Variants in FAM13A observed in about 807,000 individuals in gnomAD.
FAM13A encodes the protein protein FAM13A.
In FAM13A, 76 loss-of-function variants were observed where a neutral mutation model predicts 129.6. The observed-to-expected ratio is 0.59, with a 90% CI of 0.49 to 0.71. The LOEUF (loss-of-function observed/expected upper bound fraction) is 0.71, where lower values mean the gene tolerates loss of function less well. FAM13A is among the 30% of genes least tolerant of loss of function. The probability of loss-of-function intolerance (pLI) is 0.00; values close to 1 mark genes in which losing one functional copy is unlikely to be tolerated. For synonymous variants in FAM13A, 443 were observed against 449.9 expected (o/e 0.98, Z 0.20); for missense variants, 1,108 against 1,249.3 (o/e 0.89, Z 1.70).
intron 5 of FAM13A, chr4:88,937,434 C>T (rs898132136): frequency 5.3e-5 from 8 of 152,234 alleles, no homozygotes; most frequent in African/African-American, 1.7e-4. Flanking sequence ...CTTATTTTCC[C>T]ACATCTAGGG....
intron 7 of FAM13A, among the ~76,000 whole-genome samples, chr4:88,818,479 T>A (rs1731220673): frequency 6.6e-6 from 1 of 152,214 alleles, no homozygotes; most frequent in Non-Finnish European, 1.5e-5. Flanking sequence ...ATAGTTAACA[T>A]CTTTACTTTT....
chr4:88,875,120 C>A (rs1315392298), intron 6 of FAM13A, among the ~76,000 whole-genome samples: 1 of 152,158 alleles, frequency 6.6e-6, no homozygotes, highest in Non-Finnish European at 1.5e-5. Context: ...CCCTTCCTTA[C>A]ATCTTATACA....
intron 4 of FAM13A, among the ~76,000 whole-genome samples, chr4:88,978,873 G>A (rs527556832): frequency 2.5e-4 from 38 of 151,884 alleles, no homozygotes; most frequent in Admixed American, 6.6e-4. Flanking sequence ...TTCTTATGGC[G>A]ACAATTAAAA....
intron 19 of FAM13A, among the ~76,000 whole-genome samples, chr4:88,742,937 T>C (rs187937362): frequency 1.1e-3 from 172 of 152,332 alleles, no homozygotes; most frequent in African/African-American, 3.9e-3. Flanking sequence ...AGGCATGTAG[T>C]ATATTATCTC....
chr4:88,894,727 G>T (rs1478606562), intron 6 of FAM13A, among the ~76,000 whole-genome samples: 1 of 152,102 alleles, frequency 6.6e-6, no homozygotes, highest in Non-Finnish European at 1.5e-5. Flanking sequence ...TTGCCAAGTT[G>T]GCCAGGCTGG....
intron 1 of FAM13A, among the ~76,000 whole-genome samples, chr4:89,055,406 T>A (rs1772099139): frequency 6.6e-6 from 1 of 152,198 alleles, no homozygotes. Flanking sequence ...TCTTACACTG[T>A]GTGATTTTTA....
intron 4 of FAM13A, among the ~76,000 whole-genome samples, chr4:88,939,544 T>C (rs1754402367): frequency 6.6e-6 from 1 of 152,224 alleles, no homozygotes; most frequent in African/African-American, 2.4e-5. Flanking sequence ...CCAGGGATTA[T>C]GATATCTTTA....
At chr4:88,810,651 G>T (rs745626243) in intron 7 of FAM13A, among the ~76,000 whole-genome samples, 9 of 152,104 alleles carry the variant, frequency 5.9e-5, no homozygotes, top group Non-Finnish European at 1.2e-4. Context: ...TTCATTTACA[G>T]GAATGCTAAG....
chr4:88,819,068 T>C (rs978807772), intron 7 of FAM13A, among the ~76,000 whole-genome samples: 5 of 152,220 alleles, frequency 3.3e-5, no homozygotes, highest in Admixed American at 1.3e-4. Context: ...ATTAATCGTC[T>C]TTAAGTCTTT....
intron 3 of FAM13A, among the ~76,000 whole-genome samples, chr4:89,013,985 G>A (rs755396188): frequency 2.6e-4 from 39 of 152,090 alleles, no homozygotes; most frequent in Non-Finnish European, 5.4e-4. Flanking sequence ...TGTGGGCATG[G>A]GGGTAAGTAC....
intron 7 of FAM13A, among the ~76,000 whole-genome samples, chr4:88,812,145 G>GT (rs1289317376): frequency 6.6e-6 from 1 of 152,112 alleles, no homozygotes; most frequent in African/African-American, 2.4e-5. Context: ...CTCCAGAACT[G>GT]TAAGAAATAA....
chr4:88,780,196 T>C (rs1181948509), intron 11 of FAM13A, among the ~76,000 whole-genome samples: 1 of 152,106 alleles, frequency 6.6e-6, no homozygotes, highest in Non-Finnish European at 1.5e-5. Context: ...GGGAAAAAAA[T>C]CCTAGATTTG....
At chr4:88,897,841 T>A (rs1471600526) in intron 6 of FAM13A, among the ~76,000 whole-genome samples, 1 of 152,170 alleles carries the variant, frequency 6.6e-6, no homozygotes, top group African/African-American at 2.4e-5. Context: ...TAATCTCTTA[T>A]AGTTCACAAG....
chr4:88,907,999 G>A (rs1035436015), intron 5 of FAM13A, among the ~76,000 whole-genome samples: 5 of 152,222 alleles, frequency 3.3e-5, no homozygotes, highest in Admixed American at 2.0e-4. Flanking sequence ...GTTTGTGCTA[G>A]GGACAAACAT....
intron 5 of FAM13A, among the ~76,000 whole-genome samples, chr4:88,918,759 T>G (rs924812400): frequency 6.6e-6 from 1 of 152,264 alleles, no homozygotes; most frequent in Non-Finnish European, 1.5e-5. Context: ...TTTGTGGCAG[T>G]GGCAACGCTT....
intron 6 of FAM13A, chr4:88,855,741 A>T (rs2150007602): frequency 6.6e-6 from 1 of 152,178 alleles, no homozygotes; most frequent in African/African-American, 2.4e-5. Flanking sequence ...CCAGGCACTA[A>T]TTAACCCTGA....
chr4:88,749,152 A>G, intron 16 of FAM13A, 119 bp from the exon 17 acceptor site: 1 of 754,132 alleles, frequency 1.3e-6, no homozygotes, highest in Non-Finnish European at 2.4e-6. Context: ...AGAATAAGAA[A>G]TTAAACACGA....
At chr4:89,024,965 C>T (rs141220953) in intron 2 of FAM13A, among the ~76,000 whole-genome samples, 61 of 152,282 alleles carry the variant, frequency 4.0e-4, no homozygotes, top group African/African-American at 1.4e-3. Flanking sequence ...ACTGATTTAA[C>T]TTAATAAAAT....
At chr4:88,893,389 C>G (rs1745691339) in intron 6 of FAM13A, among the ~76,000 whole-genome samples, 2 of 152,182 alleles carry the variant, frequency 1.3e-5, no homozygotes, top group African/African-American at 4.8e-5. Flanking sequence ...CTTTGGGAGG[C>G]CAAGGCGGGC....
Sources: allele counts gnomAD v4.1 joint callset (sites outside exome capture counted in the v4.1 genomes callset), GRCh38; gene constraint gnomAD v4.1.1; transcripts MANE v1.5; gene names NCBI Gene and HGNC (gene_info 2026-07-23, HGNC 2026-07-21).